CUTC: variants seen among roughly 807,000 people sequenced by gnomAD.
CUTC encodes the protein copper homeostasis protein cutC homolog.
Under a neutral mutation model 36.2 loss-of-function variants are expected in CUTC, and 27 were observed. The ratio of observed to expected loss-of-function variants is 0.75; its 90% CI spans 0.55 to 1.03. CUTC has a LOEUF of 1.03. Ranked by LOEUF, CUTC falls within the 50% of genes least tolerant of loss-of-function variation. The pLI, the probability that CUTC is intolerant of heterozygous loss-of-function variation, is 0.00. For missense variants in CUTC, 315 were observed against 343.5 expected, an observed-to-expected ratio of 0.92 and a Z score of 0.66; for synonymous variants, 114 against 118.3, an observed-to-expected ratio of 0.96 and a Z score of 0.24.
intron 3 of CUTC, 73 bp from the exon 4 acceptor site, chr10:99,743,080 T>C: frequency 7.0e-7 from 1 of 1,431,972 alleles, no homozygotes; most frequent in Non-Finnish European, 9.8e-7. Flanking sequence ...CATCTTTGTC[T>C]GGTAAATGAC....
At position 99,739,785 on chromosome 10, in the gene CUTC, T is replaced by C. The variant is rs765759117; in HGVS notation, c.193+16T>C. On this transcript the variant is annotated intron_variant, in intron 3 of 8. Coordinates refer to ENST00000370476, the MANE Select transcript of CUTC (RefSeq NM_015960.3). ...CCCAGCATGGGTAAGTGTCCATTTT[T>C]CCCAGGTTTTCTGATTGGAGTTCAT... The C allele has an allele frequency of 9.4e-6, 15 of 1,603,118 alleles. No homozygotes were observed. The highest frequency in any genetic ancestry group is 4.0e-5 in the African/African-American group (3 of 74,256).
chr10:99,749,519 G>A (rs1028589635), intron 6 of CUTC, among the ~76,000 whole-genome samples: 4 of 151,728 alleles, frequency 2.6e-5, no homozygotes, highest in African/African-American at 9.7e-5. Context: ...AGAAATGGTA[G>A]AATTCATTTC....
At chr10:99,745,849 T>A (rs1279219105) in intron 5 of CUTC, among the ~76,000 whole-genome samples, 1 of 152,200 alleles carries the variant, frequency 6.6e-6, no homozygotes, top group African/African-American at 2.4e-5. Context: ...AGAGCAAGAC[T>A]GCATCTCACA....
intron 6 of CUTC, 81 bp from the exon 7 acceptor site, chr10:99,750,286 TTA>T: frequency 2.0e-6 from 2 of 980,580 alleles, no homozygotes; most frequent in Non-Finnish European, 3.0e-6. Flanking sequence ...ATATTCTGAC[TTA>T]TGTTTCTATT....
intron 7 of CUTC, 78 bp from the exon 8 acceptor site, chr10:99,754,451 A>G: frequency 1.1e-6 from 1 of 922,214 alleles, no homozygotes; most frequent in South Asian, 1.4e-5. Flanking sequence ...TTCCAAGTAA[A>G]GTAAGCAGTC....
chr10:99,735,831 T>C (rs1056585770), intron 1 of CUTC, among the ~76,000 whole-genome samples: 2 of 152,230 alleles, frequency 1.3e-5, no homozygotes, highest in South Asian at 2.1e-4. Flanking sequence ...AAGTAACTAA[T>C]CTAGGATCTC....
chr10:99,737,625 A>C (rs1334907469), intron 2 of CUTC, among the ~76,000 whole-genome samples: 1 of 152,156 alleles, frequency 6.6e-6, no homozygotes, highest in Non-Finnish European at 1.5e-5. Context: ...AAATGGGTGA[A>C]TTGTATTAGT....
At chr10:99,749,152 A>C (rs534131146) in intron 6 of CUTC, among the ~76,000 whole-genome samples, 1 of 152,312 alleles carries the variant, frequency 6.6e-6, no homozygotes, top group African/African-American at 2.4e-5. Context: ...AGCTACTCAA[A>C]TATTCTCATA....
intron 2 of CUTC, among the ~76,000 whole-genome samples, chr10:99,736,812 T>G (rs1267541514): frequency 6.6e-6 from 1 of 152,148 alleles, no homozygotes; most frequent in Non-Finnish European, 1.5e-5. Flanking sequence ...TGAAGCCCCA[T>G]GTATGCATCA....
chr10:99,748,235 C>T lies in CUTC; in HGVS notation c.573+845C>T, dbSNP rs558761818. Among the ~76,000 whole-genome samples the T allele has an allele frequency of 2.0e-5, 3 of 152,254 alleles. No homozygotes were observed. The South Asian group carries it at 6.2e-4, about 32-fold the overall frequency. Reference sequence around the variant, plus strand: ...GTTTAATACTTATTTTAGAGTTTCTCAGAAGATTGCTAAAGATGGGATGTG... The same window carrying T: ...GTTTAATACTTATTTTAGAGTTTCTTAGAAGATTGCTAAAGATGGGATGTG... On this transcript the variant is annotated intron_variant, in intron 6 of 8. Transcript: ENST00000370476.
In CUTC at chr10:99,747,254, C is replaced by T. The variant is rs1361952352; in HGVS notation, c.440-3C>T. 1 of 1,611,350 alleles carries T rather than the reference C, an allele frequency of 6.2e-7. No homozygotes were observed. Among genetic ancestry groups the T allele is most frequent in the Non-Finnish European group, 8.5e-7 (1 of 1,179,250 alleles). ...AAATTCACATCAGTTTTATTTATTTCAGCCTTTGACATGGTTCATGATCCA... is the reference window on the plus strand; with the variant it reads ...AAATTCACATCAGTTTTATTTATTTTAGCCTTTGACATGGTTCATGATCCA... On this transcript the variant is annotated splice_region_variant and splice_polypyrimidine_tract_variant and intron_variant, in intron 5 of 8. Transcript: ENST00000370476.
intron 4 of CUTC, among the ~76,000 whole-genome samples, 196 bp downstream of exon 4, chr10:99,743,558 C>T (rs1371228978): frequency 6.6e-6 from 1 of 152,128 alleles, no homozygotes; most frequent in East Asian, 1.9e-4. Context: ...TAACTCTCCT[C>T]AATTGCTATA....
chr10:99,755,503 A>G (rs1433395941), intron 8 of CUTC, 122 bp from the exon 9 acceptor site: 1 of 631,348 alleles, frequency 1.6e-6, no homozygotes, highest in Non-Finnish European at 2.8e-6. Context: ...AAAATTATGG[A>G]ATATACTAGT....
At chr10:99,750,133 A>T (rs1056684482) in intron 6 of CUTC, among the ~76,000 whole-genome samples, 2 of 152,086 alleles carry the variant, frequency 1.3e-5, no homozygotes, top group African/African-American at 4.8e-5. Context: ...AATGGCACTT[A>T]TTGGGGGGGA....
intron 1 of CUTC, among the ~76,000 whole-genome samples, chr10:99,733,154 C>A (rs898592960): frequency 6.6e-6 from 1 of 151,872 alleles, no homozygotes; most frequent in African/African-American, 2.4e-5. Context: ...ACTAAAAATA[C>A]AAAAATTAGC....
At chr10:99,747,147 G>C in intron 5 of CUTC, 110 bp from the exon 6 acceptor site, 1 of 1,223,536 alleles carries the variant, frequency 8.2e-7, no homozygotes, top group African/African-American at 1.5e-5. Context: ...ATTGGCCTTT[G>C]TAAGCCAGTA....
intron 1 of CUTC, 182 bp downstream of exon 1, chr10:99,732,591 G>A: frequency 1.4e-6 from 2 of 1,436,234 alleles, no homozygotes; most frequent in Non-Finnish European, 1.8e-6. Context: ...ACGAGGGGCA[G>A]GTAGCGAGAA....
At position 99,755,716 on chromosome 10, in the gene CUTC, A is replaced by G. The variant is rs1490217533; in HGVS notation, c.799A>G (p.Ile267Val). Residue 267 changes from isoleucine to valine, a missense_variant, in exon 9 of 9, where the codon ATC becomes GTC. Coordinates refer to ENST00000370476, the MANE Select transcript of CUTC (RefSeq NM_015960.3). ...GACCAAAGTAAGGACTTTGAATGCT[A>G]TCGCAAAGAACATCCTGGTGTAGCC... Reference protein sequence around the residue: ...DVTKVRTLNAIAKNILV With the variant: ...DVTKVRTLNAVAKNILV 13 of 1,612,488 alleles carry G rather than the reference A, an allele frequency of 8.1e-6. No individual in the cohort carries two copies. Among genetic ancestry groups the G allele is most frequent in the Non-Finnish European group, 1.1e-5 (13 of 1,178,646 alleles).
rs961112431 is a variant in CUTC at position 99,735,375 on chromosome 10, T to C, written c.62-871T>C. 8.5e-5 allele frequency among the ~76,000 whole-genome samples: 13 copies of C among 152,052 alleles called. 1 individual carries two copies. Among genetic ancestry groups the C allele is most frequent in the Non-Finnish European group, 1.8e-4 (12 of 67,968 alleles). On this transcript the variant is annotated intron_variant, in intron 1 of 8. Coordinates refer to ENST00000370476, the MANE Select transcript of CUTC (RefSeq NM_015960.3). ...GGAACTCTGGGTTGAGGAGAAGGCA[T>C]TGGGGAGCCAGCGGTAGGGACTGGA...
Sources: allele counts gnomAD v4.1 joint callset (sites outside exome capture counted in the v4.1 genomes callset), GRCh38; gene constraint gnomAD v4.1.1; transcripts MANE v1.5; gene names NCBI Gene and HGNC (gene_info 2026-07-23, HGNC 2026-07-21).